Variants in VPS37A observed in about 807,000 individuals in gnomAD.
VPS37A encodes VPS37A subunit of ESCRT-I, also known as vacuolar protein sorting-associated protein 37A.
A neutral mutation model predicts 49.8 loss-of-function variants in VPS37A; 30 were observed. That is an observed-to-expected ratio of 0.60 (90% CI 0.45 to 0.82). The LOEUF (loss-of-function observed/expected upper bound fraction) is 0.82. VPS37A is among the 40% of genes least tolerant of loss of function. VPS37A has a pLI of 0.00. For synonymous variants in VPS37A, 195 were observed against 160.6 expected, an observed-to-expected ratio of 1.21 and a Z score of -1.62; for missense variants, 593 against 464.4, an observed-to-expected ratio of 1.28 and a Z score of -2.55.
In VPS37A at chr8:17,295,149, G is replaced by C. The variant is rs980562866; in HGVS notation, c.*163G>C. 6.6e-6 allele frequency: 1 copy of C among 152,576 alleles called. No individual in the cohort carries two copies. The highest frequency in any genetic ancestry group is 2.4e-5 in the African/African-American group (1 of 41,424). The allele number at this position is 152,576 out of a possible 1,614,324, so 9.5% of individuals were successfully genotyped here. On this transcript the variant is annotated 3_prime_UTR_variant, in exon 12 of 12. Transcript: ENST00000324849. ...AGACTGATTTTGTACCGATTAGAAT[G>C]ATTGCTATGATCTTTGAGAAATTTT...
intron 2 of VPS37A, 21 bp downstream of exon 2, chr8:17,266,002 C>CT (rs1813412946): frequency 6.3e-7 from 1 of 1,591,128 alleles, no homozygotes; most frequent in Admixed American, 1.8e-5. Flanking sequence ...TTGTATCCTA[C>CT]TTTTTCATGT....
At chr8:17,290,765 C>G (rs1319767504) in intron 11 of VPS37A, among the ~76,000 whole-genome samples, 1 of 152,150 alleles carries the variant, frequency 6.6e-6, no homozygotes, top group Non-Finnish European at 1.5e-5. Flanking sequence ...ACCAGCTTCT[C>G]TTTGTACCTC....
chr8:17,300,253 A>G, downstream of VPS37A: 1 of 1,578,094 alleles, frequency 6.3e-7, no homozygotes. Flanking sequence ...TTTCAGGGGA[A>G]AAATCATAAA....
At chr8:17,326,170 G>C in the VPS37A span, 2 of 152,148 alleles carry the variant, frequency 1.3e-5, no homozygotes, top group African/African-American at 4.8e-5. Context: ...AGGCAGAAAA[G>C]CCTGGTGGTT....
chr8:17,282,384 T>C (rs559521638), intron 9 of VPS37A, among the ~76,000 whole-genome samples: 1 of 152,210 alleles, frequency 6.6e-6, no homozygotes, highest in Admixed American at 6.5e-5. Flanking sequence ...GCGGAAACCA[T>C]AAAACGTCAA....
At chr8:17,279,653 C>T in intron 6 of VPS37A, 1 of 330,930 alleles carries the variant, frequency 3.0e-6, no homozygotes, top group Non-Finnish European at 5.9e-6. Context: ...GAAACCTAAG[C>T]TGAATAAGCT....
At chr8:17,253,102 T>G (rs891801102) in intron 1 of VPS37A, among the ~76,000 whole-genome samples, 8 of 152,160 alleles carry the variant, frequency 5.3e-5, no homozygotes, top group Non-Finnish European at 8.8e-5. Context: ...ATTAGAAATA[T>G]TAGTCCGTTA....
At chr8:17,251,177 C>G in intron 1 of VPS37A, among the ~76,000 whole-genome samples, 1 of 152,098 alleles carries the variant, frequency 6.6e-6, no homozygotes, top group East Asian at 1.9e-4. Flanking sequence ...GTCTCATCAC[C>G]CTTCCCCCCA....
chr8:17,304,301 A>G, downstream of VPS37A: 2 of 1,518,920 alleles, frequency 1.3e-6, no homozygotes, highest in Non-Finnish European at 1.8e-6. Flanking sequence ...AGTGTCATAC[A>G]CTTTGACCTC....
In VPS37A at chr8:17,280,376, A is replaced by G; in HGVS notation, c.902A>G (p.Tyr301Cys). 6.2e-7 allele frequency: 1 copy of G among 1,608,872 alleles called. No homozygotes were observed. The highest frequency in any genetic ancestry group is 1.1e-5 in the South Asian group (1 of 89,590). The part of the protein sequence containing the change: ...EAKRQTVLDK[Y>C]ELLTQMKSTF... Reference sequence around the variant, plus strand: ...CAACCTTTTCATTTTCTCTTTTAGTATGAATTACTTACACAGATGAAGTCC... The same window carrying G: ...CAACCTTTTCATTTTCTCTTTTAGTGTGAATTACTTACACAGATGAAGTCC... Residue 301 changes from tyrosine to cysteine, a missense_variant and splice_region_variant, in exon 9 of 12, where the codon TAT becomes TGT. By Grantham distance (194) the Tyr-to-Cys change is radical (BLOSUM62 -2). Transcript: ENST00000324849.
At chr8:17,257,230 G>A (rs933158521) in intron 1 of VPS37A, among the ~76,000 whole-genome samples, 1 of 152,010 alleles carries the variant, frequency 6.6e-6, no homozygotes, top group Non-Finnish European at 1.5e-5. Flanking sequence ...AGATGAGTTG[G>A]CTGTAAATTA....
rs112485902 is a variant in VPS37A, at chr8:17,256,260, G to C, written c.125+8891G>C. ...AGCATTCGTTATTGCCTGGCTTTTT[G>C]ATAAAAGTCTTTTTAGCTGGGGTAA... On this transcript the variant is annotated intron_variant, in intron 1 of 11. Transcript: ENST00000324849. 2.7e-3 allele frequency among the ~76,000 whole-genome samples: 283 copies of C among 104,776 alleles called. 1 individual carries two copies. The highest frequency in any genetic ancestry group is 9.7e-3 in the African/African-American group (260 of 26,924). 68.7% of individuals were successfully genotyped at this position (104,776 alleles called of 152,430 possible). A position where few individuals can be genotyped will look rare whatever the true frequency, so the allele number is the denominator to read the frequency against.
chr8:17,318,542 G>A, the VPS37A span, among the ~76,000 whole-genome samples: 1 of 152,146 alleles, frequency 6.6e-6, no homozygotes, highest in African/African-American at 2.4e-5. Context: ...TTCCCGATGG[G>A]TCTGGACTCG....
At chr8:17,311,490 T>G in the VPS37A span, 1 of 1,613,892 alleles carries the variant, frequency 6.2e-7, no homozygotes. Context: ...CCTGTGGGAA[T>G]CGCCCAGTGG....
intron 1 of VPS37A, chr8:17,248,394 C>G (rs563023649): frequency 8.8e-6 from 4 of 455,414 alleles, no homozygotes; most frequent in Admixed American, 2.4e-5. Context: ...CTCCCCACAC[C>G]CCTCCGAGTA....
At chr8:17,299,740 C>A, downstream of VPS37A, 2 of 1,376,844 alleles carry the variant, frequency 1.5e-6, no homozygotes, top group Admixed American at 2.3e-5. Flanking sequence ...CTTTTCATAG[C>A]TGCATTAAAG....
chr8:17,322,817 C>G, the VPS37A span, among the ~76,000 whole-genome samples: 1 of 151,904 alleles, frequency 6.6e-6, no homozygotes, highest in East Asian at 1.9e-4. Flanking sequence ...ACAGGGAGAC[C>G]CTCTCTCTTA....
chr8:17,289,778 A>T (rs1033698488), intron 11 of VPS37A, among the ~76,000 whole-genome samples: 2 of 152,240 alleles, frequency 1.3e-5, no homozygotes, highest in Admixed American at 6.5e-5. Flanking sequence ...CATAGAATCT[A>T]TAAATTACTT....
intron 1 of VPS37A, among the ~76,000 whole-genome samples, chr8:17,254,982 A>G (rs7001620): frequency 0.87 from 132,364 of 152,138 alleles, 58,004 homozygotes; most frequent in East Asian, 1. Flanking sequence ...AACACTGAGG[A>G]AAATGCATGA....
Sources: allele counts gnomAD v4.1 joint callset (sites outside exome capture counted in the v4.1 genomes callset), GRCh38; gene constraint gnomAD v4.1.1; transcripts MANE v1.5; gene names NCBI Gene and HGNC (gene_info 2026-07-23, HGNC 2026-07-21).